Variants in RELL1 observed in about 807,000 individuals in gnomAD.
RELL1 encodes RELT-like protein 1.
In RELL1, 10 loss-of-function variants were observed where a neutral mutation model predicts 23.0. The ratio of observed to expected loss-of-function variants is 0.43; its 90% CI spans 0.27 to 0.74. The LOEUF (loss-of-function observed/expected upper bound fraction) is 0.74. RELL1 is among the 30% of genes least tolerant of loss of function. The probability of loss-of-function intolerance (pLI) is 0.19; values close to 1 mark genes in which losing one functional copy is unlikely to be tolerated. For missense variants in RELL1, 315 were observed against 364.4 expected, an observed-to-expected ratio of 0.86 and a Z score of 1.10; for synonymous variants, 146 against 146.8, an observed-to-expected ratio of 0.99 and a Z score of 0.04.
downstream of RELL1, among the ~76,000 whole-genome samples, chr4:37,609,211 T>A (rs1338690139): frequency 6.6e-6 from 1 of 152,212 alleles, no homozygotes; most frequent in Admixed American, 6.5e-5. Context: ...TCATTTACCA[T>A]CTTGAAAATC....
Position 37,611,946 on chromosome 4 carries a change from C to T in RELL1, c.*1400G>A, listed in dbSNP as rs112918682. Among the ~76,000 whole-genome samples the T allele has an allele frequency of 7.9e-5, 12 of 151,800 alleles. No homozygotes were observed. The highest frequency in any genetic ancestry group is 2.1e-4 in the South Asian group (1 of 4,804). ...ATCCCAGAACTTTGGGAGGCCGAGG[C>T]GGGTGGATCACGAGGTCAGGAGATC... On this transcript the variant is annotated 3_prime_UTR_variant, in exon 7 of 7. Coordinates refer to ENST00000454158, the MANE Select transcript of RELL1 (RefSeq NM_001085400.2).
At position 37,661,267 on chromosome 4, in the gene RELL1, C is replaced by A. The variant is rs993294820; in HGVS notation, c.89-11767G>T. ...CAAAACAACCTGTTTTAAGTTAATT[C>A]TGTTTGTTTGTTTGTTTGTTTGTTT... On this transcript the variant is annotated intron_variant, in intron 1 of 6. Coordinates refer to ENST00000454158, the MANE Select transcript of RELL1 (RefSeq NM_001085400.2). Among the ~76,000 whole-genome samples, 3 of 150,480 alleles carry A rather than the reference C, an allele frequency of 2.0e-5. No individual in the cohort carries two copies. The East Asian group carries it at 5.9e-4, about 30-fold the overall frequency.
chr4:37,684,362 A>G (rs994994329), intron 1 of RELL1, among the ~76,000 whole-genome samples: 3 of 151,646 alleles, frequency 2.0e-5, no homozygotes, highest in Admixed American at 6.6e-5. Context: ...AAAAAAAAAA[A>G]GGCTGTCATG....
chr4:37,634,741 C>G (rs2109263089), intron 5 of RELL1, 146 bp downstream of exon 5: 1 of 714,366 alleles, frequency 1.4e-6, no homozygotes, highest in South Asian at 1.8e-5. Flanking sequence ...AAATCTAGGA[C>G]TCACACCAGA....
chr4:37,603,854 T>A (rs1446911218), intron 6 of RELL1, among the ~76,000 whole-genome samples: 1 of 152,236 alleles, frequency 6.6e-6, no homozygotes, highest in Non-Finnish European at 1.5e-5. Flanking sequence ...AGTCTCACTC[T>A]GTCACCTAGG....
At chr4:37,599,247 C>T (rs533485996) in intron 6 of RELL1, among the ~76,000 whole-genome samples, 2 of 152,234 alleles carry the variant, frequency 1.3e-5, no homozygotes, top group South Asian at 2.1e-4. Context: ...AGCTGAGACA[C>T]GGGGTTGCCG....
chr4:37,597,780 G>A (rs566740366), intron 6 of RELL1, among the ~76,000 whole-genome samples: 233 of 152,284 alleles, frequency 1.5e-3, no homozygotes, highest in African/African-American at 5.0e-3. Context: ...GCTGGGTGCC[G>A]TGGCTCATGC....
intron 1 of RELL1, among the ~76,000 whole-genome samples, chr4:37,658,458 T>C (rs2109294430): frequency 6.6e-6 from 1 of 152,332 alleles, no homozygotes. Context: ...AAGCTAAGCA[T>C]TGAATCTTCA....
rs181506524 is a variant in RELL1, at chr4:37,596,007, G to A, written c.*4-4790C>T. Among the ~76,000 whole-genome samples the A allele has an allele frequency of 5.2e-4, 79 of 152,250 alleles. 2 individuals carry two copies. Among genetic ancestry groups the A allele is most frequent in the Admixed American group, 3.9e-3 (60 of 15,294 alleles). On this transcript the variant is annotated intron_variant, in intron 6 of 6. Transcript: ENST00000314117. ...CCTAGTGATGGGGGAAAAAAGGTGC[G>A]CCCAGGGTTGACCCTTCAGTAACAC...
chr4:37,604,194 G>A (rs1396010639), intron 6 of RELL1, among the ~76,000 whole-genome samples: 1 of 152,042 alleles, frequency 6.6e-6, no homozygotes, highest in Non-Finnish European at 1.5e-5. Context: ...GTGCCACATT[G>A]CCAGCTGCCC....
intron 1 of RELL1, among the ~76,000 whole-genome samples, chr4:37,660,016 G>A (rs1203284420): frequency 6.6e-6 from 1 of 152,156 alleles, no homozygotes; most frequent in Non-Finnish European, 1.5e-5. Context: ...TGGCTGATAA[G>A]TGGATAACCC....
At chr4:37,624,122 T>TA (rs1211320363) in intron 6 of RELL1, among the ~76,000 whole-genome samples, 1 of 152,166 alleles carries the variant, frequency 6.6e-6, no homozygotes, top group East Asian at 1.9e-4. Flanking sequence ...TCCTCACTGT[T>TA]AGAGGAGAAC....
chr4:37,612,290 A>G lies in RELL1; in HGVS notation c.*1056T>C, dbSNP rs1024053742. 6.7e-6 allele frequency among the ~76,000 whole-genome samples: 1 copy of G among 149,528 alleles called. No individual in the cohort carries two copies. The highest frequency in any genetic ancestry group is 1.5e-5 in the Non-Finnish European group (1 of 67,520). On this transcript the variant is annotated 3_prime_UTR_variant, in exon 7 of 7. Coordinates refer to ENST00000454158, the MANE Select transcript of RELL1 (RefSeq NM_001085400.2). ...TTTCAACCATTTTCTCCTTTATTCA[A>G]TGGATTAACCAAGAATCGCTCAGCT...
intron 1 of RELL1, among the ~76,000 whole-genome samples, chr4:37,674,244 T>C (rs1169584895): frequency 6.6e-6 from 1 of 152,246 alleles, no homozygotes; most frequent in East Asian, 1.9e-4. Context: ...TTGTTATTCA[T>C]TTTACATACC....
chr4:37,653,445 C>T (rs374460382), intron 1 of RELL1, among the ~76,000 whole-genome samples: 5 of 137,892 alleles, frequency 3.6e-5, no homozygotes, highest in Admixed American at 7.4e-5. Flanking sequence ...GTATTGAATA[C>T]TCAATACAAG....
At chr4:37,594,200 C>G (rs917961985) in intron 6 of RELL1, among the ~76,000 whole-genome samples, 7 of 152,176 alleles carry the variant, frequency 4.6e-5, no homozygotes, top group Non-Finnish European at 8.8e-5. Flanking sequence ...AGTAAAAAAT[C>G]TTTAGGTTGA....
At chr4:37,667,832 A>T (rs1721590577) in intron 1 of RELL1, among the ~76,000 whole-genome samples, 1 of 152,170 alleles carries the variant, frequency 6.6e-6, no homozygotes, top group Non-Finnish European at 1.5e-5. Flanking sequence ...TATAACACTG[A>T]TGAAACAGTT....
At chr4:37,622,594 C>T (rs774371710) in intron 6 of RELL1, among the ~76,000 whole-genome samples, 14 of 152,074 alleles carry the variant, frequency 9.2e-5, no homozygotes, top group Non-Finnish European at 1.8e-4. Flanking sequence ...GTCCTGGCTC[C>T]GTAATGAACT....
intron 1 of RELL1, among the ~76,000 whole-genome samples, chr4:37,683,277 G>A (rs1016514864): frequency 3.3e-5 from 5 of 152,148 alleles, no homozygotes; most frequent in African/African-American, 9.7e-5. Context: ...CAAGCAGGCT[G>A]GGTTATCCCA....
Sources: gnomAD v4.1 joint callset for allele counts (sites outside exome capture counted in the v4.1 genomes callset) on GRCh38, gnomAD v4.1.1 for gene constraint, MANE v1.5 for transcripts, NCBI Gene and HGNC (gene_info 2026-07-23, HGNC 2026-07-21) for gene names.